SEZ6L2: variants seen among roughly 807,000 people sequenced by gnomAD.
The protein encoded by SEZ6L2 is seizure related 6 homolog like 2.
In SEZ6L2, 44 loss-of-function variants were observed where a neutral mutation model predicts 97.0. The ratio of observed to expected loss-of-function variants is 0.45; its 90% CI spans 0.36 to 0.58. SEZ6L2 has a LOEUF of 0.58. SEZ6L2 is among the 20% of genes least tolerant of loss of function. The pLI is 0.00. For synonymous variants in SEZ6L2, 543 were observed against 546.1 expected, an observed-to-expected ratio of 0.99 and a Z score of 0.08; for missense variants, 1,086 against 1,233.3, an observed-to-expected ratio of 0.88 and a Z score of 1.79.
chr16:29,888,547 G>T lies in SEZ6L2; in HGVS notation c.1032C>A (p.Ser344Arg). Residue 344 changes from serine (S) to arginine (R), a missense_variant, in exon 6 of 18, where the codon AGC becomes AGA. Ser to Arg is a moderately radical substitution (Grantham distance 110). Coordinates refer to ENST00000617533, the MANE Select transcript of SEZ6L2 (RefSeq NM_001243332.2). ...CTGTGGCAGGAGACTCACCCATGCA[G>T]CTGGGGGTTTCACCGTTCCAGGATG... ...TRPSWNGETP[S>R]CMASCGGTIH... 1 of 1,613,704 alleles carries T rather than the reference G, an allele frequency of 6.2e-7. No homozygotes were observed. Among genetic ancestry groups the T allele is most frequent in the Non-Finnish European group, 8.5e-7 (1 of 1,179,766 alleles).
chr16:29,898,889 G>A (rs1435907953), intron 1 of SEZ6L2, 52 bp downstream of exon 1: 32 of 1,409,838 alleles, frequency 2.3e-5, no homozygotes, highest in East Asian at 1.4e-4. Flanking sequence ...GAGGGTGGAG[G>A]ACCCCGCTGG....
intron 5 of SEZ6L2, among the ~76,000 whole-genome samples, chr16:29,888,953 C>T (rs1326794976): frequency 6.6e-6 from 1 of 152,092 alleles, no homozygotes; most frequent in African/African-American, 2.4e-5. Context: ...AATTCACCCT[C>T]GTTGGCCCCC....
Position 29,885,644 on chromosome 16 carries a change from G to T in SEZ6L2, c.1314C>A (p.Tyr438Ter). Reference protein sequence around the residue: ...RGLISDAQSLYVELLSETPAN... With the variant: ...RGLISDAQSL ...CAGGTGTCTCTGACAGCAGCTCCAC[G>T]TAGAGGGACTGGGCGTCACTGATGA... The change falls in exon 8 of 18, where the codon TAC (tyrosine) becomes TAA (stop). Residue 438 changes from tyrosine to a stop codon, truncating the protein, a stop_gained. Transcript: ENST00000617533. LOFTEE classifies it high-confidence loss of function. 6.2e-7 allele frequency: 1 copy of T among 1,614,062 alleles called. No individual in the cohort carries two copies. Among genetic ancestry groups the T allele is most frequent in the Non-Finnish European group, 8.5e-7 (1 of 1,180,016 alleles).
In SEZ6L2 at chr16:29,897,020, T is replaced by C; in HGVS notation, c.313A>G (p.Thr105Ala). The change falls in exon 3 of 18, where the codon ACA (threonine) becomes GCA (alanine). Residue 105 changes from threonine to alanine, a missense_variant. Physicochemically the swap from Thr to Ala is moderately conservative, Grantham distance 58 (BLOSUM62 0). Transcript: ENST00000617533. ...ATEPGTGPLT[T>A]AVTPNGVRGA... is the part of the protein sequence containing the mutation. Reference sequence around the variant, plus strand: ...CTGACCCCGTTAGGGGTGACGGCTGTTGTCAGAGGCCCTGTCCCCGGCTCA... The same window carrying C: ...CTGACCCCGTTAGGGGTGACGGCTGCTGTCAGAGGCCCTGTCCCCGGCTCA... The C allele has an allele frequency of 6.3e-7, 1 of 1,582,480 alleles. No individual in the cohort carries two copies. The highest frequency in any genetic ancestry group is 8.6e-7 in the Non-Finnish European group (1 of 1,169,546).
At chr16:29,891,640 CAA>C (rs932464606) in intron 5 of SEZ6L2, among the ~76,000 whole-genome samples, 2 of 135,958 alleles carry the variant, frequency 1.5e-5, no homozygotes, top group Non-Finnish European at 1.6e-5. Context: ...GACTCCGTCT[CAA>C]AAAAAAAAAA....
At chr16:29,872,162 C>T in intron 17 of SEZ6L2, 25 bp downstream of exon 17, 1 of 1,554,134 alleles carries the variant, frequency 6.4e-7, no homozygotes, top group Non-Finnish European at 8.7e-7. Flanking sequence ...AGTGGTGGCT[C>T]TTCAGGGGCA....
chr16:29,876,963 G>A lies in SEZ6L2; in HGVS notation c.1910-13C>T, dbSNP rs138395093. 4.9e-4 allele frequency: 780 copies of A among 1,587,018 alleles called. 2 individuals carry two copies. Among genetic ancestry groups the A allele is most frequent in the Middle Eastern group, 3.7e-3 (22 of 5,934 alleles). On this transcript the variant is annotated splice_polypyrimidine_tract_variant and intron_variant, in intron 11 of 17. Coordinates refer to ENST00000617533, the MANE Select transcript of SEZ6L2 (RefSeq NM_001243332.2). The surrounding 1 kb of genome is among the most constrained non-coding windows in gnomAD (Gnocchi z 6.5). ...TTCCTCGGGACCTCTGCAGGGGAGGGAAGGCGAGTTTGGAGGCTGCGTTTT... is the reference window on the plus strand; with the variant it reads ...TTCCTCGGGACCTCTGCAGGGGAGGAAAGGCGAGTTTGGAGGCTGCGTTTT...
In SEZ6L2 at chr16:29,871,870, A is replaced by C. The variant is rs544518062; in HGVS notation, c.2743-142T>G. 45 of 775,048 alleles carry C rather than the reference A, an allele frequency of 5.8e-5. No individual in the cohort carries two copies. In the Admixed American group the frequency reaches 9.4e-4, roughly 16 times the overall value. The allele number at this position is 775,048 out of a possible 1,614,324, so 48.0% of individuals were successfully genotyped here. On this transcript the variant is annotated intron_variant, in intron 17 of 17. Coordinates refer to ENST00000617533, the MANE Select transcript of SEZ6L2 (RefSeq NM_001243332.2). ...GGGGGCCAGTGAATGTGTTTGGTTC[A>C]TCCTACGGTGTCGTAAAATGACACA...
At chr16:29,875,458 T>C (rs1852279284) in intron 12 of SEZ6L2, among the ~76,000 whole-genome samples, 1 of 152,068 alleles carries the variant, frequency 6.6e-6, no homozygotes, top group South Asian at 2.1e-4. Context: ...AGGCCTGATA[T>C]CCTGTGAATC....
chr16:29,874,571 T>G (rs1173321174), intron 12 of SEZ6L2, among the ~76,000 whole-genome samples: 1,648 of 112,508 alleles, frequency 0.015, 182 homozygotes, highest in African/African-American at 0.052. Flanking sequence ...TTTTTTTTTT[T>G]TTTTTTTTTT....
At chr16:29,894,401 G>A (rs2068335061) in intron 5 of SEZ6L2, among the ~76,000 whole-genome samples, 1 of 151,918 alleles carries the variant, frequency 6.6e-6, no homozygotes, top group Non-Finnish European at 1.5e-5. Context: ...CATCCACTTA[G>A]CCATCTGCCT....
In SEZ6L2 at chr16:29,897,071, C is replaced by T. The variant is rs200315365; in HGVS notation, c.262G>A (p.Ala88Thr). 22 of 1,580,886 alleles carry T rather than the reference C, an allele frequency of 1.4e-5. No homozygotes were observed. The highest frequency in any genetic ancestry group is 8.7e-5 in the Admixed American group (5 of 57,654). ...GTGGCCCGTGGCAGGGAGGGCACTGCGAGAGTCTGGCCGGCCGGAGGGGTG... is the reference window on the plus strand; with the variant it reads ...GTGGCCCGTGGCAGGGAGGGCACTGTGAGAGTCTGGCCGGCCGGAGGGGTG... Reference protein sequence around the residue: ...LATPPAGQTLAVPSLPRATEP... With the variant: ...LATPPAGQTLTVPSLPRATEP... Residue 88 changes from alanine to threonine, a missense_variant, in exon 3 of 18, where the codon GCA becomes ACA. By Grantham distance (58) the Ala-to-Thr change is moderately conservative. Transcript: ENST00000617533.
intron 11 of SEZ6L2, 55 bp downstream of exon 11, chr16:29,877,216 C>A: frequency 6.8e-7 from 1 of 1,478,216 alleles, no homozygotes; most frequent in East Asian, 2.4e-5. Context: ...GGCCACCTCC[C>A]GGGATCTCTG....
At position 29,877,376 on chromosome 16, in the gene SEZ6L2, G is replaced by A. The variant is rs777096319; in HGVS notation, c.1804C>T (p.Arg602Cys). The A allele has an allele frequency of 1.5e-5, 25 of 1,613,286 alleles. No individual in the cohort carries two copies. The highest frequency in any genetic ancestry group is 1.8e-5 in the Non-Finnish European group (21 of 1,179,798). ...GGCCCAGAGGAGAGAAGGCGGCGGC[G>A]CGGCTGAGGTCCCCGCAGCTGGGCC... ...VLAQLRGPQP[R>C]RRLLSSGPDL... Residue 602 changes from arginine to cysteine, a missense_variant, in exon 11 of 18, where the codon CGC (arginine) becomes TGC (cysteine). Arg to Cys is a radical substitution (Grantham distance 180). This residue lies in a region of SEZ6L2 where 310 missense variants were observed against 438.6 expected (regional missense o/e 0.71). Transcript: ENST00000617533.
At chr16:29,887,537 C>T (rs1436154416) in intron 7 of SEZ6L2, 112 bp downstream of exon 7, 1 of 911,142 alleles carries the variant, frequency 1.1e-6, no homozygotes, top group Non-Finnish European at 1.6e-6. Flanking sequence ...TGGACTCGAT[C>T]TCCTGACCTT....
chr16:29,872,634 C>T, intron 15 of SEZ6L2, 71 bp downstream of exon 15: 1 of 1,600,360 alleles, frequency 6.2e-7, no homozygotes, highest in Non-Finnish European at 8.5e-7. Context: ...CAAGGCCTGG[C>T]CTCCTGCCCC....
At chr16:29,874,184 A>G (rs1001409638) in intron 12 of SEZ6L2, among the ~76,000 whole-genome samples, 1 of 152,192 alleles carries the variant, frequency 6.6e-6, no homozygotes, top group Non-Finnish European at 1.5e-5. Flanking sequence ...CGTATGTTAT[A>G]TTTCAGGCTT....
chr16:29,892,611 G>T (rs960808654), intron 5 of SEZ6L2, among the ~76,000 whole-genome samples: 1 of 152,234 alleles, frequency 6.6e-6, no homozygotes, highest in East Asian at 1.9e-4. Flanking sequence ...AGAGGCTGGA[G>T]AGGACATGAG....
At chr16:29,887,872 C>T (rs958386290) in intron 6 of SEZ6L2, 55 bp from the exon 7 acceptor site, 64 of 1,580,916 alleles carry the variant, frequency 4.0e-5, no homozygotes, top group Non-Finnish European at 5.4e-5. Context: ...TGTCCTTCTC[C>T]TCGGGGCCTC....
Sources: gnomAD v4.1 joint callset for allele counts (sites outside exome capture counted in the v4.1 genomes callset) on GRCh38, gnomAD v4.1.1 for gene constraint, gnomAD v4.1.1 regional missense constraint, Gnocchi (gnomAD v3.1) non-coding constraint, MANE v1.5 for transcripts, NCBI Gene and HGNC (gene_info 2026-07-23, HGNC 2026-07-21) for gene names.